Variants in PCLO observed in about 807,000 individuals in gnomAD.
PCLO encodes protein piccolo.
In PCLO, 82 loss-of-function variants were observed where a neutral mutation model predicts 427.5. That is an observed-to-expected ratio of 0.19 (90% CI 0.16 to 0.23). PCLO has a LOEUF of 0.23. Ranked by LOEUF, PCLO falls within the 10% of genes least tolerant of loss-of-function variation. PCLO has a pLI of 1.00. For synonymous variants in PCLO, 2,357 were observed against 2,155.4 expected (o/e 1.09, Z -2.59); for missense variants, 6,239 against 6,115.9 (o/e 1.02, Z -0.67).
intron 3 of PCLO, among the ~76,000 whole-genome samples, chr7:83,076,173 T>G: frequency 6.6e-6 from 1 of 152,064 alleles, no homozygotes; most frequent in Admixed American, 6.6e-5. Context: ...TAACAGTTCA[T>G]ATTGAAATGT....
chr7:83,038,073 T>TATATTTATA (rs1562933256), intron 3 of PCLO, among the ~76,000 whole-genome samples: 1 of 46,184 alleles, frequency 2.2e-5, no homozygotes, highest in African/African-American at 8.3e-5. Context: ...ATTTATATAT[T>TATATTTATA]TATATATATA....
In PCLO at chr7:82,991,936, A is replaced by G. The variant is rs547069834; in HGVS notation, c.3301-25449T>C. 3.9e-5 allele frequency among the ~76,000 whole-genome samples: 6 copies of G among 152,238 alleles called. 1 individual carries two copies. The highest frequency in any genetic ancestry group is 1.4e-4 in the African/African-American group (6 of 41,552). ...TATCCTGTAAACTTTTGAAAACTGC[A>G]TATTACATGACAATCTATTAGTGGC... is the stretch of plus-strand genomic sequence containing the variant. On this transcript the variant is annotated intron_variant, in intron 3 of 24. Transcript: ENST00000333891.
At chr7:82,995,299 A>G (rs930604230) in intron 3 of PCLO, among the ~76,000 whole-genome samples, 16 of 152,000 alleles carry the variant, frequency 1.1e-4, no homozygotes, top group African/African-American at 2.7e-4. Flanking sequence ...AACACAGGAA[A>G]GAGAGCTGCA....
intron 3 of PCLO, among the ~76,000 whole-genome samples, chr7:83,010,156 C>A (rs1363786443): frequency 6.6e-6 from 1 of 151,884 alleles, no homozygotes; most frequent in East Asian, 1.9e-4. Flanking sequence ...TTCTTCATGA[C>A]CTTAAATATC....
At position 82,954,008 on chromosome 7, in the gene PCLO, T is replaced by G; in HGVS notation, c.6945A>C (p.Glu2315Asp). ...TTTTATCTCTGTAAGCTTCCAAAACTTCCAGAATGATTCCATTCCCAGTTT... is the reference window on the plus strand; with the variant it reads ...TTTTATCTCTGTAAGCTTCCAAAACGTCCAGAATGATTCCATTCCCAGTTT... The part of the protein sequence containing the change: ...KKETGNGIIL[E>D]VLEAYRDKKE... Residue 2315 changes from glutamate to aspartate, a missense_variant, in exon 5 of 25, where the codon GAA becomes GAC. Around this residue, in one of 5 missense-constraint regions of PCLO, gnomAD observed 4,677 missense variants for 4,468.4 expected, o/e 1.05. Coordinates refer to ENST00000333891, the MANE Select transcript of PCLO (RefSeq NM_033026.6). 1 of 1,613,974 alleles carries G rather than the reference T, an allele frequency of 6.2e-7. No individual in the cohort carries two copies.
chr7:82,963,099 T>G (rs1282062156), intron 4 of PCLO, among the ~76,000 whole-genome samples: 1 of 152,010 alleles, frequency 6.6e-6, no homozygotes, highest in African/African-American at 2.4e-5. Flanking sequence ...GGGTATTATA[T>G]ATTTAAAGCA....
chr7:82,995,082 GA>G (rs1179537800), intron 3 of PCLO, among the ~76,000 whole-genome samples: 2 of 151,964 alleles, frequency 1.3e-5, no homozygotes, highest in Non-Finnish European at 2.9e-5. Flanking sequence ...CTGAAGCTCA[GA>G]AAAGAGATAT....
chr7:82,877,858 G>T (rs1416805942), intron 10 of PCLO, among the ~76,000 whole-genome samples: 3 of 152,048 alleles, frequency 2.0e-5, no homozygotes, highest in African/African-American at 7.2e-5. Flanking sequence ...TTTTAGTAGA[G>T]ACAGGGTTTC....
intron 3 of PCLO, among the ~76,000 whole-genome samples, chr7:83,071,016 T>G (rs1351916965): frequency 6.6e-6 from 1 of 152,164 alleles, no homozygotes; most frequent in Non-Finnish European, 1.5e-5. Flanking sequence ...TTTCTATTTT[T>G]TTTTTTGGAT....
chr7:83,116,494 T>A (rs544464821), intron 3 of PCLO, among the ~76,000 whole-genome samples: 1 of 152,158 alleles, frequency 6.6e-6, no homozygotes, highest in African/African-American at 2.4e-5. Context: ...CTTTTTAAAT[T>A]TTTTTACTGA....
At chr7:82,767,162 A>C (rs1790548060) in intron 22 of PCLO, among the ~76,000 whole-genome samples, 2 of 152,168 alleles carry the variant, frequency 1.3e-5, no homozygotes, top group South Asian at 2.1e-4. Flanking sequence ...ACCATCACAC[A>C]CACAGAGGAC....
Position 82,876,485 on chromosome 7 carries a change from CACAT to C in PCLO, c.13654+2848_13654+2851del, listed in dbSNP as rs1383862058. ...ACACACACACACACACACACACACA[CACAT>C]ACACCACACACACGTACCAGTAAAT... is the stretch of plus-strand genomic sequence containing the variant. On this transcript the variant is annotated intron_variant, in intron 10 of 24. Coordinates refer to ENST00000333891, the MANE Select transcript of PCLO (RefSeq NM_033026.6). Among the ~76,000 whole-genome samples the C allele has an allele frequency of 3.3e-3, 443 of 133,020 alleles. 1 individual carries two copies. Among genetic ancestry groups the C allele is most frequent in the East Asian group, 0.03 (102 of 3,370 alleles). The allele number at this position is 133,020 out of a possible 152,430, so 87.3% of individuals were successfully genotyped here. A position where few individuals can be genotyped will look rare whatever the true frequency, so the allele number is the denominator to read the frequency against.
chr7:83,038,039 T>TA (rs1562933047), intron 3 of PCLO, among the ~76,000 whole-genome samples: 2 of 23,384 alleles, frequency 8.6e-5, no homozygotes, highest in African/African-American at 6.1e-4. Context: ...ATTTATATAT[T>TA]TATATATATA....
rs539909057 is a variant in PCLO at position 82,874,575 on chromosome 7, TA to T, written c.13654+4761del. Among the ~76,000 whole-genome samples the T allele has an allele frequency of 9.8e-5, 15 of 152,326 alleles. No individual in the cohort carries two copies. The South Asian group carries it at 2.9e-3, about 29-fold the overall frequency. ...TTATTTTTAAAGAATAAGCATGTAG[TA>T]AATTCAAAACTTCCTAAAATTGTAA... is the stretch of plus-strand genomic sequence containing the variant. On this transcript the variant is annotated intron_variant, in intron 10 of 24. Coordinates refer to ENST00000333891, the MANE Select transcript of PCLO (RefSeq NM_033026.6).
chr7:83,125,116 C>T (rs977498972), intron 3 of PCLO, among the ~76,000 whole-genome samples: 4 of 152,132 alleles, frequency 2.6e-5, no homozygotes, highest in Non-Finnish European at 5.9e-5. Flanking sequence ...ACCTCCACCT[C>T]CCAGCCGCCT....
At chr7:83,093,492 A>ATTTTTTTTTTTTTTTTT (rs1169852004) in intron 3 of PCLO, among the ~76,000 whole-genome samples, 4 of 59,306 alleles carry the variant, frequency 6.7e-5, no homozygotes, top group Non-Finnish European at 9.8e-5. Flanking sequence ...ATATATATAT[A>ATTTTTTTTTTTTTTTTT]TTTTTTTTTT....
intron 3 of PCLO, among the ~76,000 whole-genome samples, chr7:83,079,440 G>T (rs998329450): frequency 6.6e-6 from 1 of 150,766 alleles, no homozygotes; most frequent in East Asian, 1.9e-4. Context: ...AACCATTGAG[G>T]GGGAGGAGAA....
rs564367524 is a variant in PCLO, at chr7:83,005,743, T to G, written c.3301-39256A>C. Among the ~76,000 whole-genome samples, 5 of 151,764 alleles carry G rather than the reference T, an allele frequency of 3.3e-5. No homozygotes were observed. The South Asian group carries it at 1.0e-3, about 31-fold the overall frequency. On this transcript the variant is annotated intron_variant, in intron 3 of 24. Transcript: ENST00000333891. ...AATATACATACTTTTTATTTGTTAA[T>G]TATGCCTTAAAAAGCTGGGTTAGGG...
chr7:82,793,783 A>G (rs1272396539), intron 22 of PCLO, among the ~76,000 whole-genome samples: 3 of 152,090 alleles, frequency 2.0e-5, no homozygotes, highest in East Asian at 3.9e-4. Context: ...TCCTTATCTC[A>G]TCATGGAAGT....
Sources: gnomAD v4.1 joint callset for allele counts (sites outside exome capture counted in the v4.1 genomes callset) on GRCh38, gnomAD v4.1.1 for gene constraint, gnomAD v4.1.1 regional missense constraint, MANE v1.5 for transcripts, NCBI Gene and HGNC (gene_info 2026-07-23, HGNC 2026-07-21) for gene names.